Variants in WNT7A observed in about 807,000 individuals in gnomAD.
WNT7A encodes Wnt family member 7A.
A neutral mutation model predicts 28.2 loss-of-function variants in WNT7A; 16 were observed. The observed-to-expected ratio is 0.57, with a 90% CI of 0.38 to 0.86. WNT7A has a LOEUF of 0.86. WNT7A is among the 40% of genes least tolerant of loss of function. The pLI is 0.00. For synonymous variants in WNT7A, 190 were observed against 195.9 expected (o/e 0.97, Z 0.25); for missense variants, 411 against 489.7 (o/e 0.84, Z 1.52).
At chr3:13,841,032 T>C (rs1694448920) in intron 3 of WNT7A, among the ~76,000 whole-genome samples, 1 of 152,226 alleles carries the variant, frequency 6.6e-6, no homozygotes, top group South Asian at 2.1e-4. Context: ...AAAAATGGTA[T>C]ATTATTTATC....
chr3:13,871,201 G>T (rs1277997088), intron 2 of WNT7A, among the ~76,000 whole-genome samples: 1 of 152,170 alleles, frequency 6.6e-6, no homozygotes, highest in Non-Finnish European at 1.5e-5. Flanking sequence ...CAGACAATGG[G>T]TCCTGGTGCT....
chr3:13,851,815 A>T (rs1406388368), intron 3 of WNT7A, among the ~76,000 whole-genome samples: 1 of 152,200 alleles, frequency 6.6e-6, no homozygotes, highest in Admixed American at 6.5e-5. Context: ...ATACGCTAGG[A>T]TGTGAACTTC....
chr3:13,856,341 G>C (rs531221922), intron 2 of WNT7A, among the ~76,000 whole-genome samples: 1 of 152,386 alleles, frequency 6.6e-6, no homozygotes, highest in South Asian at 2.1e-4. Context: ...TACAGGAGAA[G>C]GGGGCATGTC....
At chr3:13,842,389 G>A (rs528074192) in intron 3 of WNT7A, among the ~76,000 whole-genome samples, 2 of 152,006 alleles carry the variant, frequency 1.3e-5, no homozygotes, top group African/African-American at 4.8e-5. Context: ...TAAGGGGACC[G>A]TTGTGCCACT....
intron 1 of WNT7A, among the ~76,000 whole-genome samples, chr3:13,876,667 A>G (rs1329401550): frequency 6.6e-6 from 1 of 151,346 alleles, no homozygotes; most frequent in East Asian, 1.9e-4. Flanking sequence ...ACAACTGATC[A>G]CTCCTGCCGT....
intron 2 of WNT7A, among the ~76,000 whole-genome samples, chr3:13,870,848 C>T (rs1200116144): frequency 1.3e-5 from 2 of 152,210 alleles, no homozygotes; most frequent in African/African-American, 4.8e-5. Context: ...AGCACCATGC[C>T]CTGGCTCTCC....
intron 2 of WNT7A, among the ~76,000 whole-genome samples, chr3:13,868,510 G>A (rs547573343): frequency 3.4e-4 from 40 of 118,928 alleles, no homozygotes; most frequent in East Asian, 1.6e-3. Context: ...GAAAGAAAGA[G>A]AGAGAGAAAG....
At chr3:13,870,276 G>C (rs1044227654) in intron 2 of WNT7A, among the ~76,000 whole-genome samples, 1 of 152,062 alleles carries the variant, frequency 6.6e-6, no homozygotes, top group Admixed American at 6.6e-5. Context: ...TATATGACTC[G>C]TGTCCTTATA....
intron 3 of WNT7A, among the ~76,000 whole-genome samples, chr3:13,844,122 C>T (rs1274555641): frequency 2.0e-5 from 3 of 152,124 alleles, no homozygotes; most frequent in Admixed American, 6.6e-5. Flanking sequence ...CAATTGAGAG[C>T]TAAGAAGAGG....
chr3:13,856,918 A>AAGG, intron 2 of WNT7A, among the ~76,000 whole-genome samples: 1 of 99,986 alleles, frequency 1.0e-5, no homozygotes. Flanking sequence ...GAAGAAGAAG[A>AAGG]AGAAGAAGAA....
chr3:13,847,042 C>A (rs1295529580), intron 3 of WNT7A, among the ~76,000 whole-genome samples: 1 of 152,202 alleles, frequency 6.6e-6, no homozygotes, highest in Non-Finnish European at 1.5e-5. Flanking sequence ...TCATCCCCTT[C>A]CTCCCCGGGT....
rs1035084512 is a variant in WNT7A, at chr3:13,879,859, T to G, written c.-43A>C. The G allele has an allele frequency of 6.5e-7, 1 of 1,527,936 alleles. No individual in the cohort carries two copies. 94.6% of individuals were successfully genotyped at this position (1,527,936 alleles called of 1,614,324 possible). The stretch of plus-strand genomic sequence containing the variant: ...GGGGCCGCGGGCCGGGCTGTGCTGA[T>G]CCCGCGGGCCGGCCCCGGCGGGGCA... On this transcript the variant is annotated 5_prime_UTR_variant, in exon 1 of 4. Coordinates refer to ENST00000285018, the MANE Select transcript of WNT7A (RefSeq NM_004625.4).
In WNT7A at chr3:13,846,474, G is replaced by A. The variant is rs1014616510; in HGVS notation, c.570+8058C>T. Among the ~76,000 whole-genome samples the A allele has an allele frequency of 5.6e-4, 85 of 152,174 alleles. 3 individuals carry two copies. The highest frequency in any genetic ancestry group is 5.4e-3 in the Admixed American group (82 of 15,284). On this transcript the variant is annotated intron_variant, in intron 3 of 3. Coordinates refer to ENST00000285018, the MANE Select transcript of WNT7A (RefSeq NM_004625.4). ...ATTAAGCAACTTTCTTAACCTCTCTGTGCTTCCGTTTTCTTATTTGTAAAA... is the reference window on the plus strand; with the variant it reads ...ATTAAGCAACTTTCTTAACCTCTCTATGCTTCCGTTTTCTTATTTGTAAAA...
intron 3 of WNT7A, among the ~76,000 whole-genome samples, chr3:13,830,306 A>G (rs1337243606): frequency 3.9e-5 from 6 of 152,104 alleles, no homozygotes; most frequent in African/African-American, 1.2e-4. Flanking sequence ...TGGAGGGCTG[A>G]TGGCTTAGTT....
chr3:13,827,692 G>A (rs1359051498), intron 3 of WNT7A, among the ~76,000 whole-genome samples: 1 of 152,028 alleles, frequency 6.6e-6, no homozygotes, highest in African/African-American at 2.4e-5. Flanking sequence ...GCTCCCACAG[G>A]GTCCATGCCA....
At position 13,852,540 on chromosome 3, in the gene WNT7A, C is replaced by A. The variant is rs553182483; in HGVS notation, c.570+1992G>T. Among the ~76,000 whole-genome samples, 4 of 152,184 alleles carry A rather than the reference C, an allele frequency of 2.6e-5. No homozygotes were observed. The South Asian group carries it at 8.3e-4, about 32-fold the overall frequency. ...ACAAGGAGTGGGTCATAGTCCCAAT[C>A]GACAGATGTGGAAACTGAGGTCGCA... On this transcript the variant is annotated intron_variant, in intron 3 of 3. Coordinates refer to ENST00000285018, the MANE Select transcript of WNT7A (RefSeq NM_004625.4).
chr3:13,836,629 T>A (rs192240077), intron 3 of WNT7A, among the ~76,000 whole-genome samples: 131 of 152,094 alleles, frequency 8.6e-4, no homozygotes, highest in Non-Finnish European at 1.6e-3. Flanking sequence ...AAAGTGAGGG[T>A]GGTTGGACAA....
chr3:13,855,874 T>A (rs1425356564), intron 2 of WNT7A, among the ~76,000 whole-genome samples: 3 of 152,104 alleles, frequency 2.0e-5, no homozygotes, highest in Non-Finnish European at 4.4e-5. Context: ...AGAGAAGGTG[T>A]TTCAGAATGC....
chr3:13,830,321 C>T (rs1694261159), intron 3 of WNT7A, among the ~76,000 whole-genome samples: 1 of 152,114 alleles, frequency 6.6e-6, no homozygotes, highest in Non-Finnish European at 1.5e-5. Context: ...TTAGTTTTCA[C>T]AGAAAGCCAT....
Sources: allele counts gnomAD v4.1 joint callset (sites outside exome capture counted in the v4.1 genomes callset), GRCh38; gene constraint gnomAD v4.1.1; transcripts MANE v1.5; gene names NCBI Gene and HGNC (gene_info 2026-07-23, HGNC 2026-07-21).